Variants in HS6ST2 observed in about 807,000 individuals in gnomAD.
HS6ST2 encodes the protein heparan-sulfate 6-O-sulfotransferase 2.
Under a neutral mutation model 33.0 loss-of-function variants are expected in HS6ST2, and 17 were observed. The observed-to-expected ratio is 0.52, with a 90% confidence interval of 0.35 to 0.77. The LOEUF (loss-of-function observed/expected upper bound fraction) is 0.77, where lower values mean the gene tolerates loss of function less well. Among genes scored for constraint, HS6ST2 ranks in the 30% least tolerant of loss-of-function variants. HS6ST2 has a pLI of 0.01. For synonymous variants in HS6ST2, 248 were observed against 237.1 expected (o/e 1.05, Z -0.42); for missense variants, 519 against 551.7 (o/e 0.94, Z 0.59).
chrX:132,872,571 T>C (rs1366573288), intron 2 of HS6ST2, among the ~76,000 whole-genome samples: 3 of 112,055 alleles, frequency 2.7e-5, no homozygotes, highest in Non-Finnish European at 5.6e-5. Context: ...CTGTAGTATT[T>C]TGCACACATA....
At chrX:132,767,566 G>GA (rs1404719781) in intron 2 of HS6ST2, among the ~76,000 whole-genome samples, 2 of 110,538 alleles carry the variant, frequency 1.8e-5, no homozygotes, top group Admixed American at 1.9e-4. Flanking sequence ...TGTTTACATT[G>GA]AAAAAAAATT....
intron 2 of HS6ST2, among the ~76,000 whole-genome samples, chrX:132,816,678 G>GA (rs1233519356): frequency 2.7e-5 from 3 of 111,807 alleles, no homozygotes; most frequent in Admixed American, 9.6e-5. Context: ...GGAAAAAAGA[G>GA]AAAAAAATCT....
chrX:132,884,173 A>G lies in HS6ST2; in HGVS notation c.947+72635T>C, dbSNP rs61090014. ...GGATTTTGTGATTGAAATAGCATCAATAAAAGTCTGACACTGTGGAAAGAC... is the reference window on the plus strand; with the variant it reads ...GGATTTTGTGATTGAAATAGCATCAGTAAAAGTCTGACACTGTGGAAAGAC... On this transcript the variant is annotated intron_variant, in intron 2 of 4. Transcript: ENST00000370833. Among the ~76,000 whole-genome samples the G allele has an allele frequency of 1.4e-3, 152 of 111,489 alleles. 1 individual carries two copies. Among genetic ancestry groups the G allele is most frequent in the African/African-American group, 4.4e-3 (134 of 30,672 alleles).
At chrX:132,744,916 G>T (rs1384775341) in intron 2 of HS6ST2, among the ~76,000 whole-genome samples, 1 of 111,719 alleles carries the variant, frequency 9.0e-6, no homozygotes, top group East Asian at 2.8e-4. Flanking sequence ...AATGTACTTT[G>T]GAGGTAACTT....
intron 2 of HS6ST2, among the ~76,000 whole-genome samples, chrX:132,848,036 G>T (rs772439615): frequency 8.9e-6 from 1 of 112,283 alleles, no homozygotes; most frequent in African/African-American, 3.2e-5. Flanking sequence ...TCAGATGGGG[G>T]TGGGTGGTGG....
chrX:132,871,508 T>C (rs138646205), intron 2 of HS6ST2, among the ~76,000 whole-genome samples: 41 of 111,672 alleles, frequency 3.7e-4, no homozygotes, highest in African/African-American at 1.3e-3. Context: ...CTGTTCACAA[T>C]AGCAAAGTTT....
At chrX:132,906,149 T>C (rs986287687) in intron 2 of HS6ST2, among the ~76,000 whole-genome samples, 1 of 112,879 alleles carries the variant, frequency 8.9e-6, no homozygotes, top group Non-Finnish European at 1.9e-5. Context: ...TCATCTAATC[T>C]ACAAGTGCAG....
intron 2 of HS6ST2, among the ~76,000 whole-genome samples, chrX:132,845,744 G>A (rs1004964607): frequency 9.0e-6 from 1 of 111,319 alleles, no homozygotes; most frequent in Non-Finnish European, 1.9e-5. Context: ...TATAGAAATA[G>A]ATGCCTTATT....
At chrX:132,827,787 G>A (rs952707406) in intron 2 of HS6ST2, among the ~76,000 whole-genome samples, 2 of 110,769 alleles carry the variant, frequency 1.8e-5, no homozygotes, top group East Asian at 2.8e-4. Context: ...CTGCTGAGCC[G>A]TAAGTTCTTG....
At chrX:132,801,302 A>G (rs979720985) in intron 2 of HS6ST2, among the ~76,000 whole-genome samples, 1 of 111,185 alleles carries the variant, frequency 9.0e-6, no homozygotes, top group African/African-American at 3.3e-5. Flanking sequence ...TCTCAAAAAA[A>G]AAAAATTCTA....
rs1306488493 is a variant in HS6ST2, at chrX:132,864,970, A to C, written c.947+91838T>G. Among the ~76,000 whole-genome samples, 5 of 111,477 alleles carry C rather than the reference A, an allele frequency of 4.5e-5. No homozygotes were observed. The East Asian group carries it at 1.4e-3, about 32-fold the overall frequency. On this transcript the variant is annotated intron_variant, in intron 2 of 4. Coordinates refer to ENST00000370833, the MANE Select transcript of HS6ST2 (RefSeq NM_001394073.1). ...GGCCAATATTCAACATTCTTAAAGAAAACAATTTTTTTTATTATTATTATA... is the reference window on the plus strand; with the variant it reads ...GGCCAATATTCAACATTCTTAAAGACAACAATTTTTTTTATTATTATTATA...
intron 3 of HS6ST2, among the ~76,000 whole-genome samples, chrX:132,672,468 C>T (rs1322541020): frequency 9.0e-6 from 1 of 111,699 alleles, no homozygotes; most frequent in Non-Finnish European, 1.9e-5. Flanking sequence ...TTATGTCCTA[C>T]AATTTCCAAG....
At chrX:132,793,079 G>A (rs1256394589) in intron 2 of HS6ST2, among the ~76,000 whole-genome samples, 1 of 3,396 alleles carries the variant, frequency 2.9e-4, no homozygotes, top group African/African-American at 1.2e-3. Flanking sequence ...TTTTTTTTTT[G>A]AGATGGAGTC....
intron 2 of HS6ST2, among the ~76,000 whole-genome samples, chrX:132,910,722 C>G (rs1427387000): frequency 9.0e-6 from 1 of 111,702 alleles, no homozygotes; most frequent in Non-Finnish European, 1.9e-5. Context: ...GCCTTATATT[C>G]CTTTGTTCCA....
chrX:132,833,770 T>G (rs1305344241), intron 2 of HS6ST2, among the ~76,000 whole-genome samples: 3 of 109,782 alleles, frequency 2.7e-5, no homozygotes, highest in Non-Finnish European at 5.7e-5. Flanking sequence ...TCTTTTTTTT[T>G]TTTTTTAAAT....
intron 2 of HS6ST2, among the ~76,000 whole-genome samples, chrX:132,795,011 T>C (rs1243788847): frequency 9.0e-6 from 1 of 110,686 alleles, no homozygotes; most frequent in Admixed American, 9.7e-5. Context: ...CCTAAGAACC[T>C]GCAGGCAGTG....
intron 2 of HS6ST2, among the ~76,000 whole-genome samples, chrX:132,794,350 T>C (rs955214270): frequency 1.8e-5 from 2 of 111,724 alleles, no homozygotes; most frequent in African/African-American, 6.5e-5. Flanking sequence ...CTTATGTGTA[T>C]GTGGAGCTTT....
chrX:132,870,915 G>A (rs1364668098), intron 2 of HS6ST2, among the ~76,000 whole-genome samples: 2 of 111,096 alleles, frequency 1.8e-5, no homozygotes, highest in Non-Finnish European at 3.8e-5. Context: ...ATGGACAAAC[G>A]GAATCTAATT....
intron 2 of HS6ST2, among the ~76,000 whole-genome samples, chrX:132,884,091 C>A (rs940762947): frequency 9.0e-6 from 1 of 111,045 alleles, no homozygotes. Context: ...CTCTGACTTC[C>A]GAGTGAATGG....
Sources: gnomAD v4.1 joint callset for allele counts (sites outside exome capture counted in the v4.1 genomes callset) on GRCh38, gnomAD v4.1.1 for gene constraint, MANE v1.5 for transcripts, NCBI Gene and HGNC (gene_info 2026-07-23, HGNC 2026-07-21) for gene names.